MIR2052HG: variants seen among roughly 807,000 people sequenced by gnomAD.
MIR2052HG encodes MIR2052 host gene.
At chr8:74,647,528 T>C (rs1489722095) in intron 2 of MIR2052HG, among the ~76,000 whole-genome samples, 3 of 148,900 alleles carry the variant, frequency 2.0e-5, no homozygotes, top group Non-Finnish European at 4.4e-5. Flanking sequence ...ATAAGTTTTT[T>C]CATTCAGATT....
At chr8:74,638,486 A>G (rs1808606210) in intron 2 of MIR2052HG, among the ~76,000 whole-genome samples, 1 of 152,162 alleles carries the variant, frequency 6.6e-6, no homozygotes. Context: ...GAGGTGAGAG[A>G]TCAGCTCTTG....
intron 4 of MIR2052HG, among the ~76,000 whole-genome samples, chr8:74,725,293 A>G (rs1003426418): frequency 6.6e-6 from 1 of 152,162 alleles, no homozygotes; most frequent in African/African-American, 2.4e-5. Context: ...CAGTATAAAG[A>G]AGGATGGAGG....
chr8:74,683,760 A>G (rs1809150321), intron 2 of MIR2052HG, among the ~76,000 whole-genome samples: 1 of 152,114 alleles, frequency 6.6e-6, no homozygotes, highest in Admixed American at 6.6e-5. Context: ...CTTTACCTAG[A>G]TAATTATAGG....
chr8:74,604,916 C>T (rs980678423), intron 1 of MIR2052HG, among the ~76,000 whole-genome samples: 2 of 148,442 alleles, frequency 1.3e-5, no homozygotes, highest in Admixed American at 1.3e-4. Flanking sequence ...CTTTAATTAA[C>T]TTGCTTTCAC....
At chr8:74,720,279 A>G (rs1012349894) in intron 4 of MIR2052HG, among the ~76,000 whole-genome samples, 35 of 152,292 alleles carry the variant, frequency 2.3e-4, no homozygotes, top group African/African-American at 8.2e-4. Context: ...TCAGGCCCCA[A>G]CAAAGTGAGT....
rs2128741049 is a variant in MIR2052HG at position 74,703,483 on chromosome 8, A to G, written n.295-123A>G. ...ACAATAATTCCTAGGCACCCAAACG[A>G]TGACTGTACTCCATGGATAACAGCA... On this transcript the variant is annotated intron_variant and non_coding_transcript_variant, in intron 3 of 6. Transcript: ENST00000523442. 3 of 257,928 alleles carry G rather than the reference A, an allele frequency of 1.2e-5. No homozygotes were observed. The South Asian group carries it at 1.2e-4, about 10-fold the overall frequency. The allele number at this position is 257,928 out of a possible 1,614,324, so 16.0% of individuals were successfully genotyped here. A position where few individuals can be genotyped will look rare whatever the true frequency, so the allele number is the denominator to read the frequency against.
intron 2 of MIR2052HG, among the ~76,000 whole-genome samples, chr8:74,693,755 T>C (rs909967839): frequency 1.3e-5 from 2 of 151,600 alleles, no homozygotes; most frequent in African/African-American, 4.9e-5. Flanking sequence ...CCTGAAAACA[T>C]AACTCCATAG....
chr8:74,655,364 C>T (rs1400821027), intron 2 of MIR2052HG, among the ~76,000 whole-genome samples: 1 of 152,146 alleles, frequency 6.6e-6, no homozygotes, highest in Non-Finnish European at 1.5e-5. Context: ...CAGTCCCTCC[C>T]ATCATGGACC....
At chr8:74,751,266 A>G (rs1586931766) in intron 4 of MIR2052HG, among the ~76,000 whole-genome samples, 1 of 152,086 alleles carries the variant, frequency 6.6e-6, no homozygotes, top group East Asian at 1.9e-4. Context: ...ACATTTTCTC[A>G]TTTTTGTGCT....
intron 4 of MIR2052HG, among the ~76,000 whole-genome samples, chr8:74,723,885 T>C (rs1453986411): frequency 6.6e-6 from 1 of 152,254 alleles, no homozygotes; most frequent in Non-Finnish European, 1.5e-5. Flanking sequence ...ATCTTATTTC[T>C]AGACAAAAAT....
intron 2 of MIR2052HG, among the ~76,000 whole-genome samples, chr8:74,687,603 A>G (rs1809195993): frequency 1.3e-5 from 2 of 152,254 alleles, no homozygotes; most frequent in Admixed American, 1.3e-4. Context: ...ATACTGCCTG[A>G]TTCTGCTTAC....
At chr8:74,716,055 C>G (rs1017711818) in intron 4 of MIR2052HG, among the ~76,000 whole-genome samples, 1 of 152,104 alleles carries the variant, frequency 6.6e-6, no homozygotes, top group Admixed American at 6.5e-5. Context: ...GGTAGGAGGA[C>G]GGGGAAGCAA....
At chr8:74,611,645 ACTTTT>A (rs1563511896) in intron 1 of MIR2052HG, among the ~76,000 whole-genome samples, 1 of 152,196 alleles carries the variant, frequency 6.6e-6, no homozygotes, top group Admixed American at 6.5e-5. Context: ...AATACATAAT[ACTTTT>A]CTTTTTTACT....
chr8:74,615,051 T>C (rs987108750), intron 2 of MIR2052HG: 1 of 152,238 alleles, frequency 6.6e-6, no homozygotes, highest in African/African-American at 2.4e-5. Flanking sequence ...AACGATTTGC[T>C]GTCTCTCCCA....
chr8:74,691,655 A>G (rs1311662440), intron 2 of MIR2052HG, among the ~76,000 whole-genome samples: 4 of 152,198 alleles, frequency 2.6e-5, no homozygotes, highest in Non-Finnish European at 5.9e-5. Flanking sequence ...TTTTGCATTG[A>G]AGGCTATAGA....
chr8:74,752,520 G>T (rs1323023859), exon 5 of MIR2052HG: 1 of 455,478 alleles, frequency 2.2e-6, no homozygotes, highest in East Asian at 7.0e-5. Flanking sequence ...AGTTCCTGAA[G>T]AGTTCATCTG....
chr8:74,726,232 G>A (rs919827319), intron 4 of MIR2052HG, among the ~76,000 whole-genome samples: 1 of 152,116 alleles, frequency 6.6e-6, no homozygotes, highest in Non-Finnish European at 1.5e-5. Context: ...CATACTCAGT[G>A]TATAAAACCA....
chr8:74,755,548 A>G (rs1463927533), intron 5 of MIR2052HG, among the ~76,000 whole-genome samples: 1 of 152,244 alleles, frequency 6.6e-6, no homozygotes, highest in Non-Finnish European at 1.5e-5. Flanking sequence ...TTTTCTCAAC[A>G]TCAAACAGTT....
chr8:74,681,298 T>A (rs1004395238), intron 2 of MIR2052HG, among the ~76,000 whole-genome samples: 4 of 151,768 alleles, frequency 2.6e-5, no homozygotes, highest in African/African-American at 9.7e-5. Context: ...CAGCAAAAAA[T>A]TAAGATTTTT....
Sources: gnomAD v4.1 joint callset for allele counts (sites outside exome capture counted in the v4.1 genomes callset) on GRCh38, gnomAD v4.1.1 for gene constraint, MANE v1.5 for transcripts, NCBI Gene and HGNC (gene_info 2026-07-23, HGNC 2026-07-21) for gene names.